CDHR5: variants seen among roughly 807,000 people sequenced by gnomAD.
The protein encoded by CDHR5 is cadherin-related family member 5.
A neutral mutation model predicts 69.5 loss-of-function variants in CDHR5; 82 were observed. The observed-to-expected ratio is 1.18, with a 90% CI of 0.99 to 1.42. The LOEUF is 1.42. CDHR5 is among the 40% of genes most tolerant of loss of function. CDHR5 has a pLI of 0.00. For missense variants in CDHR5, 1,293 were observed against 1,168.9 expected (o/e 1.11, Z -1.55); for synonymous variants, 601 against 510.2 (o/e 1.18, Z -2.40).
At position 624,343 on chromosome 11, in the gene CDHR5, C is replaced by T. The variant is rs1157058772; in HGVS notation, c.262-80G>A. 1.4e-6 allele frequency: 1 copy of T among 730,998 alleles called. No individual in the cohort carries two copies. The allele number at this position is 730,998 out of a possible 1,614,324, so 45.3% of individuals were successfully genotyped here. On this transcript the variant is annotated intron_variant, in intron 2 of 14. Coordinates refer to ENST00000397542, the MANE Select transcript of CDHR5 (RefSeq NM_021924.5). The surrounding 1 kb of genome is among the most constrained non-coding windows in gnomAD (Gnocchi z 5.3). ...GAGGCCAAGTGGGCAGGCGCTGGCC[C>T]AGGGTCCCCATCATCAGTGGTCAGT...
In CDHR5 at chr11:617,397, C is replaced by T; in HGVS notation, c.2492G>A (p.Gly831Asp). The T allele has an allele frequency of 6.2e-7, 1 of 1,610,430 alleles. No homozygotes were observed. ...SGDEGEGAGR[G>D]GGPYDAPGGD... ...ACCGGGCGCATCGTAGGGACCCCCACCCCTCCCCGCGCCCTCGCCCTCATC... is the reference window on the plus strand; with the variant it reads ...ACCGGGCGCATCGTAGGGACCCCCATCCCTCCCCGCGCCCTCGCCCTCATC... The change falls in exon 15 of 15, where the codon GGT (glycine) becomes GAT (aspartate). Residue 831 changes from glycine (G) to aspartate (D), a missense_variant. By Grantham distance (94) the Gly-to-Asp change is moderately conservative (BLOSUM62 -1). Coordinates refer to ENST00000397542, the MANE Select transcript of CDHR5 (RefSeq NM_021924.5).
Position 618,591 on chromosome 11 carries a change from G to A in CDHR5, c.1960+8C>T. The A allele has an allele frequency of 6.2e-7, 1 of 1,613,678 alleles. No homozygotes were observed. Among genetic ancestry groups the A allele is most frequent in the Non-Finnish European group, 8.5e-7 (1 of 1,179,852 alleles). On this transcript the variant is annotated splice_region_variant and intron_variant, in intron 13 of 14. Coordinates refer to ENST00000397542, the MANE Select transcript of CDHR5 (RefSeq NM_021924.5). Reference sequence around the variant, plus strand: ...GTCAGGGAGGGAAGGCAACAGAGTGGGTGCTACCTGAAGATGGGGTGCTCT... The same window carrying A: ...GTCAGGGAGGGAAGGCAACAGAGTGAGTGCTACCTGAAGATGGGGTGCTCT...
rs751774656 is a variant in CDHR5 at position 621,467 on chromosome 11, C to T, written c.508-12G>A. On this transcript the variant is annotated splice_polypyrimidine_tract_variant and intron_variant, in intron 5 of 14. Transcript: ENST00000397542. This position sits in a 1 kb window ranked among gnomAD's most constrained non-coding sequence, Gnocchi z 4.4. ...TAGTCACTGGCACCCTGGGGAGGGT[C>T]AGGGAGGACAGAGCCTAAGAGCCTT... 3.3e-5 allele frequency: 53 copies of T among 1,608,314 alleles called. No homozygotes were observed. Among genetic ancestry groups the T allele is most frequent in the Non-Finnish European group, 4.4e-5 (52 of 1,175,586 alleles).
At position 617,670 on chromosome 11, in the gene CDHR5, T is replaced by C; in HGVS notation, c.2219A>G (p.Glu740Gly). 6.7e-7 allele frequency: 1 copy of C among 1,499,040 alleles called. No individual in the cohort carries two copies. Among genetic ancestry groups the C allele is most frequent in the Non-Finnish European group, 8.9e-7 (1 of 1,129,248 alleles). 92.9% of individuals were successfully genotyped at this position (1,499,040 alleles called of 1,614,324 possible). A position where few individuals can be genotyped will look rare whatever the true frequency, so the allele number is the denominator to read the frequency against. The change falls in exon 15 of 15, where the codon GAG becomes GGG. Residue 740 changes from glutamate to glycine, a missense_variant. Transcript: ENST00000397542. ...TGCGGGCTCTGCGGGCATCGGTGCC[T>C]CCGCGGGCTTGGGGTCGTGCGTGGG... ...PSPTHDPKPA[E>G]APMPAEPAPP...
rs1266426863 is a variant in CDHR5 at position 620,057 on chromosome 11, C to A, written c.978+10G>T. 1 of 1,584,232 alleles carries A rather than the reference C, an allele frequency of 6.3e-7. No individual in the cohort carries two copies. Among genetic ancestry groups the A allele is most frequent in the Non-Finnish European group, 8.6e-7 (1 of 1,161,582 alleles). ...CTCTGCCCTGCCCCCCATGCAGGTGCCCACCTCACCTTCACCAGCAGAAGG... is the reference window on the plus strand; with the variant it reads ...CTCTGCCCTGCCCCCCATGCAGGTGACCACCTCACCTTCACCAGCAGAAGG... On this transcript the variant is annotated intron_variant, in intron 9 of 14. Coordinates refer to ENST00000397542, the MANE Select transcript of CDHR5 (RefSeq NM_021924.5).
intron 7 of CDHR5, 84 bp from the exon 8 acceptor site, chr11:620,470 C>T: frequency 1.0e-6 from 1 of 982,534 alleles, no homozygotes; most frequent in Admixed American, 2.4e-5. Flanking sequence ...CCATCAAGGG[C>T]AGGGTTGGCT....
rs764291288 is a variant in CDHR5, at chr11:621,119, T to G, written c.750A>C (p.Gln250His). The G allele has an allele frequency of 1.9e-6, 3 of 1,580,752 alleles. No individual in the cohort carries two copies. The African/African-American group carries it at 4.0e-5, about 21-fold the overall frequency. ...CTFSDGYVCI[Q>H]AQYHGAVPTG... Reference sequence around the variant, plus strand: ...TGGGGACAGCCCCGTGGTACTGAGCTTGAATGCAGACGTAGCCATCTGAGA... The same window carrying G: ...TGGGGACAGCCCCGTGGTACTGAGCGTGAATGCAGACGTAGCCATCTGAGA... The change falls in exon 7 of 15, where the codon CAA becomes CAC. Residue 250 changes from glutamine (Q) to histidine (H), a missense_variant. Physicochemically the swap from Gln to His is conservative, Grantham distance 24. Coordinates refer to ENST00000397542, the MANE Select transcript of CDHR5 (RefSeq NM_021924.5). The surrounding 1 kb of genome is among the most constrained non-coding windows in gnomAD (Gnocchi z 4.4).
Position 619,455 on chromosome 11 carries a change from C to G in CDHR5, c.1293+19G>C. ...TAAGCCCCACACCCTTGGAGATGCCCGCCTGCCCTGCCCCGCACCTCTGCG... is the reference window on the plus strand; with the variant it reads ...TAAGCCCCACACCCTTGGAGATGCCGGCCTGCCCTGCCCCGCACCTCTGCG... On this transcript the variant is annotated intron_variant, in intron 11 of 14. Transcript: ENST00000397542. The G allele has an allele frequency of 6.2e-7, 1 of 1,608,006 alleles. No individual in the cohort carries two copies. Among genetic ancestry groups the G allele is most frequent in the Non-Finnish European group, 8.5e-7 (1 of 1,174,580 alleles).
chr11:622,432 TTTTTTTGGTTTTTGTTTTTG>T (rs1386600224), intron 3 of CDHR5, among the ~76,000 whole-genome samples: 3 of 152,198 alleles, frequency 2.0e-5, no homozygotes, highest in East Asian at 1.9e-4. Context: ...TGTTTTTTTT[TTTTTTTGGTTTTTGTTTTTG>T]TTTTTTGGTT....
At chr11:623,653 C>T (rs865791020) in intron 3 of CDHR5, among the ~76,000 whole-genome samples, 1 of 151,146 alleles carries the variant, frequency 6.6e-6, no homozygotes, top group African/African-American at 2.4e-5. Context: ...AGAAAGGAGC[C>T]GTGGAGGGCT....
In CDHR5 at chr11:619,138, C is replaced by T. The variant is rs769359188; in HGVS notation, c.1421G>A (p.Trp474Ter). The T allele has an allele frequency of 1.9e-6, 3 of 1,581,726 alleles. No individual in the cohort carries two copies. The highest frequency in any genetic ancestry group is 1.1e-5 in the South Asian group (1 of 88,040). The change falls in exon 13 of 15, where the codon TGG becomes TAG. Residue 474 changes from tryptophan to a stop codon, truncating the protein, a stop_gained. Transcript: ENST00000397542. LOFTEE classifies it high-confidence loss of function. ...GGGGACCTCGGAAGTGGTGCTGGTC[C>T]AGGGCCCAGTTGTTCCTCCAGCCTC... ...SPEAGGTTGPWTSTTSEVPRP... is the reference protein window; with the variant it reads ...SPEAGGTTGP
At position 624,791 on chromosome 11, in the gene CDHR5, G is replaced by A. The variant is rs764126970; in HGVS notation, c.85+27C>T. On this transcript the variant is annotated intron_variant, in intron 1 of 14. Transcript: ENST00000397542. This position sits in a 1 kb window ranked among gnomAD's most constrained non-coding sequence, Gnocchi z 5.3. ...CAGCCCCTGGCTCCCCGCCGCCCGT[G>A]CCCCACCTACCCCTGCCCGCACATA... The A allele has an allele frequency of 1.2e-6, 2 of 1,606,108 alleles. No homozygotes were observed. The highest frequency in any genetic ancestry group is 2.2e-5 in the South Asian group (2 of 90,752).
Position 617,092 on chromosome 11 carries a change from C to T in CDHR5, c.*259G>A, listed in dbSNP as rs1856948829. On this transcript the variant is annotated 3_prime_UTR_variant, in exon 15 of 15. Coordinates refer to ENST00000397542, the MANE Select transcript of CDHR5 (RefSeq NM_021924.5). ...CACAGAGCCTCGGGAAGGCGGCGGG[C>T]ACTGCAGGTGGTTTACGGGAAGTGC... is the stretch of plus-strand genomic sequence containing the variant. 3.8e-6 allele frequency: 2 copies of T among 523,542 alleles called. No individual in the cohort carries two copies. The highest frequency in any genetic ancestry group is 3.2e-5 in the East Asian group (1 of 31,248). The allele number at this position is 523,542 out of a possible 1,614,324, so 32.4% of individuals were successfully genotyped here.
In CDHR5 at chr11:624,432, C is replaced by T. The variant is rs1310188611; in HGVS notation, c.261+125G>A. The stretch of plus-strand genomic sequence containing the variant: ...GCCCAGCCTTCTAGGGCAGGCACCA[C>T]CAAGCATGGGTGTCAGTGGATGCCC... On this transcript the variant is annotated intron_variant, in intron 2 of 14. Coordinates refer to ENST00000397542, the MANE Select transcript of CDHR5 (RefSeq NM_021924.5). The surrounding 1 kb of genome is among the most constrained non-coding windows in gnomAD (Gnocchi z 5.3). 9.7e-7 allele frequency: 1 copy of T among 1,029,828 alleles called. No homozygotes were observed. Among genetic ancestry groups the T allele is most frequent in the Non-Finnish European group, 1.5e-6 (1 of 659,706 alleles). The allele number at this position is 1,029,828 out of a possible 1,614,324, so 63.8% of individuals were successfully genotyped here. A position where few individuals can be genotyped will look rare whatever the true frequency, so the allele number is the denominator to read the frequency against.
chr11:618,134 C>T, intron 13 of CDHR5, 23 bp from the exon 14 acceptor site: 2 of 1,594,510 alleles, frequency 1.3e-6, no homozygotes, highest in Non-Finnish European at 8.6e-7. Context: ...TGGAAAACGT[C>T]ATCATCCCCG....
Position 624,472 on chromosome 11 carries a change from C to A in CDHR5, c.261+85G>T. 1 of 1,386,280 alleles carries A rather than the reference C, an allele frequency of 7.2e-7. No homozygotes were observed. Among genetic ancestry groups the A allele is most frequent in the Admixed American group, 1.7e-5 (1 of 59,252 alleles). The allele number at this position is 1,386,280 out of a possible 1,614,324, so 85.9% of individuals were successfully genotyped here. On this transcript the variant is annotated intron_variant, in intron 2 of 14. Transcript: ENST00000397542. The surrounding 1 kb of genome is among the most constrained non-coding windows in gnomAD (Gnocchi z 5.3). ...AGTGGATGCCCGCAGGCATAGAACT[C>A]CTAGGCCCCCAAGGGAGGTGTGGCC...
At chr11:619,958 C>G (rs1857267105) in intron 9 of CDHR5, 77 bp from the exon 10 acceptor site, 1 of 1,425,664 alleles carries the variant, frequency 7.0e-7, no homozygotes, top group Admixed American at 2.1e-5. Context: ...TCAGGAAAGG[C>G]AGGTGCAGAC....
At chr11:622,105 G>A (rs1259451702) in intron 3 of CDHR5, among the ~76,000 whole-genome samples, 3 of 149,838 alleles carry the variant, frequency 2.0e-5, no homozygotes, top group East Asian at 2.0e-4. Context: ...CGTCCCCGCC[G>A]TGAGTGAGGT....
rs1208014509 is a variant in CDHR5 at position 619,103 on chromosome 11, CAG to C, written c.1454_1455del (p.Pro485ArgfsTer229). Reference protein sequence around the residue: ...TSTTSEVPRPPEPSQGPSTTS... With the variant: ...TSTTSEVPRPXEPSQGPSTTS... ...GTCGTGGAGGGTCCCTGGGAGGGCT[CAG>C]GGGGTCTGGGGACCTCGGAAGTGGT... On this transcript the variant is annotated frameshift_variant, in exon 13 of 15. Coordinates refer to ENST00000397542, the MANE Select transcript of CDHR5 (RefSeq NM_021924.5). LOFTEE classifies it high-confidence loss of function. 6.2e-7 allele frequency: 1 copy of C among 1,607,690 alleles called. No individual in the cohort carries two copies.
Sources: gnomAD v4.1 joint callset for allele counts (sites outside exome capture counted in the v4.1 genomes callset) on GRCh38, gnomAD v4.1.1 for gene constraint, Gnocchi (gnomAD v3.1) non-coding constraint, MANE v1.5 for transcripts, NCBI Gene and HGNC (gene_info 2026-07-23, HGNC 2026-07-21) for gene names.